PALM2AKAP2: variants seen among roughly 807,000 people sequenced by gnomAD.
PALM2AKAP2 encodes PALM2 and AKAP2 fusion.
In PALM2AKAP2, 37 loss-of-function variants were observed where a neutral mutation model predicts 71.5. The ratio of observed to expected loss-of-function variants is 0.52; its 90% CI spans 0.40 to 0.68. PALM2AKAP2 has a LOEUF of 0.68. Among genes scored for constraint, PALM2AKAP2 ranks in the 30% least tolerant of loss-of-function variants. The pLI is 0.00. For synonymous variants in PALM2AKAP2, 468 were observed against 478.8 expected (o/e 0.98, Z 0.29); for missense variants, 1,224 against 1,191.8 (o/e 1.03, Z -0.40).
At chr9:109,742,485 A>G (rs777144898) in intron 1 of PALM2AKAP2, among the ~76,000 whole-genome samples, 1 of 152,156 alleles carries the variant, frequency 6.6e-6, no homozygotes, top group Non-Finnish European at 1.5e-5. Flanking sequence ...AAAGATGGCA[A>G]TCCCAGTTTA....
chr9:109,824,793 T>C (rs1039698541), intron 1 of PALM2AKAP2, among the ~76,000 whole-genome samples: 1 of 152,272 alleles, frequency 6.6e-6, no homozygotes, highest in Non-Finnish European at 1.5e-5. Context: ...TTAACAGCTG[T>C]GTCTGCCATG....
Position 110,137,152 on chromosome 9 carries a change from CGCAA to C in PALM2AKAP2, c.1186_1189del (p.Ser396Ter). 6.2e-7 allele frequency: 1 copy of C among 1,613,672 alleles called. No individual in the cohort carries two copies. Among genetic ancestry groups the C allele is most frequent in the Non-Finnish European group, 8.5e-7 (1 of 1,179,934 alleles). On this transcript the variant is annotated frameshift_variant, in exon 2 of 4. Transcript: ENST00000374525. LOFTEE classifies it high-confidence loss of function. Reference sequence around the variant, plus strand: ...CAGCCCCTGCCTCTTCTCATGAACGCGCAAGCATGATTGACAAAGCAAAGGAGGA... The same window carrying C: ...CAGCCCCTGCCTCTTCTCATGAACGCGCATGATTGACAAAGCAAAGGAGGA...
At chr9:109,967,682 T>A (rs569306826) in intron 6 of PALM2AKAP2, among the ~76,000 whole-genome samples, 1 of 152,146 alleles carries the variant, frequency 6.6e-6, no homozygotes, top group Non-Finnish European at 1.5e-5. Flanking sequence ...AGTGTTGGGG[T>A]TACAGGCGTG....
intron 1 of PALM2AKAP2, among the ~76,000 whole-genome samples, chr9:110,053,245 G>A (rs542157789): frequency 1.2e-4 from 18 of 152,288 alleles, no homozygotes; most frequent in South Asian, 6.2e-4. Flanking sequence ...ATGTAACTGC[G>A]CCAGGCGCGG....
At chr9:109,745,749 G>C (rs531625610) in intron 1 of PALM2AKAP2, among the ~76,000 whole-genome samples, 3 of 152,288 alleles carry the variant, frequency 2.0e-5, no homozygotes, top group Admixed American at 6.5e-5. Flanking sequence ...AGCACGCAGT[G>C]GTGTGGCTGC....
At chr9:109,790,564 T>C (rs370698213) in intron 1 of PALM2AKAP2, among the ~76,000 whole-genome samples, 1 of 152,286 alleles carries the variant, frequency 6.6e-6, no homozygotes, top group East Asian at 1.9e-4. Flanking sequence ...AATGGGGCTC[T>C]AGGATTTGGG....
At chr9:109,962,537 T>G (rs1287823340) in intron 6 of PALM2AKAP2, among the ~76,000 whole-genome samples, 1 of 152,242 alleles carries the variant, frequency 6.6e-6, no homozygotes, top group East Asian at 1.9e-4. Context: ...CCAAAAAAGT[T>G]TACTGGCCCC....
intron 7 of PALM2AKAP2, among the ~76,000 whole-genome samples, chr9:110,042,937 G>A (rs1485860188): frequency 1.3e-5 from 2 of 152,198 alleles, no homozygotes; most frequent in Non-Finnish European, 2.9e-5. Flanking sequence ...ATTTTTAAAT[G>A]TACAATTAAA....
At chr9:109,916,770 G>T (rs923710516) in intron 3 of PALM2AKAP2, among the ~76,000 whole-genome samples, 2 of 152,252 alleles carry the variant, frequency 1.3e-5, no homozygotes, top group Non-Finnish European at 2.9e-5. Context: ...CATTCCAGAA[G>T]TGGTGTACTC....
intron 1 of PALM2AKAP2, among the ~76,000 whole-genome samples, chr9:110,116,683 A>G (rs899265506): frequency 2.0e-5 from 3 of 152,240 alleles, no homozygotes; most frequent in Admixed American, 1.3e-4. Context: ...GTGTTTCACA[A>G]CTTTTCTGGG....
At chr9:110,006,407 A>C (rs1418995397) in intron 6 of PALM2AKAP2, among the ~76,000 whole-genome samples, 2 of 140,438 alleles carry the variant, frequency 1.4e-5, no homozygotes, top group Non-Finnish European at 3.0e-5. Context: ...TCTGTCATGC[A>C]GTGTTGCAAA....
At chr9:110,125,512 C>G (rs923529899) in intron 1 of PALM2AKAP2, 107 of 985,436 alleles carry the variant, frequency 1.1e-4, no homozygotes, top group Non-Finnish European at 8.8e-5. Context: ...GGAATTTGTC[C>G]AGCTTGAGCC....
intron 2 of PALM2AKAP2, among the ~76,000 whole-genome samples, chr9:109,876,012 G>T (rs1181025214): frequency 1.3e-5 from 2 of 152,152 alleles, no homozygotes; most frequent in Non-Finnish European, 2.9e-5. Flanking sequence ...CACCTTGGGA[G>T]GAGTTTGAGA....
intron 1 of PALM2AKAP2, among the ~76,000 whole-genome samples, chr9:110,105,312 G>A (rs1040198461): frequency 2.6e-5 from 4 of 152,158 alleles, no homozygotes; most frequent in East Asian, 1.9e-4. Context: ...AAGCTCCCAC[G>A]TTATAGTTTC....
intron 2 of PALM2AKAP2, among the ~76,000 whole-genome samples, chr9:110,152,854 A>C (rs1836356822): frequency 6.6e-6 from 1 of 152,222 alleles, no homozygotes; most frequent in Admixed American, 6.5e-5. Context: ...ATCAGAGATC[A>C]CAGGGCCCAG....
intron 1 of PALM2AKAP2, among the ~76,000 whole-genome samples, chr9:109,682,300 G>C (rs991140259): frequency 2.6e-5 from 4 of 152,180 alleles, no homozygotes; most frequent in African/African-American, 4.8e-5. Flanking sequence ...AATATATTCT[G>C]TTTTGGTGTT....
chr9:109,823,594 G>C (rs7040833), intron 1 of PALM2AKAP2, among the ~76,000 whole-genome samples: 11,901 of 152,200 alleles, frequency 0.078, 555 homozygotes, highest in South Asian at 0.11. Context: ...GCAATTTGTG[G>C]CTGGAGATAC....
chr9:109,849,473 C>T (rs1404336183), intron 1 of PALM2AKAP2, among the ~76,000 whole-genome samples: 2 of 152,024 alleles, frequency 1.3e-5, no homozygotes, highest in East Asian at 1.9e-4. Flanking sequence ...CAGGGCTGGG[C>T]GCGGTAGCTC....
chr9:109,989,906 C>T (rs538196390), intron 6 of PALM2AKAP2, among the ~76,000 whole-genome samples: 3 of 152,218 alleles, frequency 2.0e-5, no homozygotes, highest in East Asian at 1.9e-4. Flanking sequence ...TGAACTTCCA[C>T]GTCAGTTAAG....
Sources: allele counts gnomAD v4.1 joint callset (sites outside exome capture counted in the v4.1 genomes callset), GRCh38; gene constraint gnomAD v4.1.1; transcripts MANE v1.5; gene names NCBI Gene and HGNC (gene_info 2026-07-23, HGNC 2026-07-21).